Variants in TRABD2B observed in about 807,000 individuals in gnomAD.
The protein encoded by TRABD2B is TraB domain containing 2B, also known as metalloprotease TIKI2.
A neutral mutation model predicts 40.1 loss-of-function variants in TRABD2B; 14 were observed. The observed-to-expected ratio is 0.35, with a 90% CI of 0.23 to 0.55. The LOEUF is 0.55. Among genes scored for constraint, TRABD2B ranks in the 20% least tolerant of loss-of-function variants. The probability of loss-of-function intolerance (pLI) is 0.90; values close to 1 mark genes in which losing one functional copy is unlikely to be tolerated. For synonymous variants in TRABD2B, 263 were observed against 277.0 expected (o/e 0.95, Z 0.50); for missense variants, 541 against 648.6 (o/e 0.83, Z 1.80).
rs1299317636 is a variant in TRABD2B, at chr1:47,780,475, A to C, written c.989-1931T>G. Reference sequence around the variant, plus strand: ...TATCTTGTGCTGGGTAGTGATGAAGAGGCAGGGTCTTTTTCCAGGCACTCA... The same window carrying C: ...TATCTTGTGCTGGGTAGTGATGAAGCGGCAGGGTCTTTTTCCAGGCACTCA... On this transcript the variant is annotated intron_variant, in intron 4 of 6. Coordinates refer to ENST00000606738, the MANE Select transcript of TRABD2B (RefSeq NM_001194986.2). 2.6e-5 allele frequency among the ~76,000 whole-genome samples: 4 copies of C among 152,106 alleles called. No individual in the cohort carries two copies. The East Asian group carries it at 7.7e-4, about 29-fold the overall frequency.
At chr1:47,879,865 G>C (rs1407133426) in intron 2 of TRABD2B, among the ~76,000 whole-genome samples, 7 of 152,364 alleles carry the variant, frequency 4.6e-5, no homozygotes, top group Admixed American at 2.0e-4. Flanking sequence ...GATGTAGACA[G>C]GGAGCTGTGG....
intron 2 of TRABD2B, among the ~76,000 whole-genome samples, chr1:47,899,456 A>T (rs1425063901): frequency 6.6e-6 from 1 of 152,188 alleles, no homozygotes; most frequent in Non-Finnish European, 1.5e-5. Context: ...CTGCAAGGCC[A>T]CTTGGACACT....
chr1:47,929,526 G>A (rs114818792), intron 2 of TRABD2B, among the ~76,000 whole-genome samples: 2,099 of 152,322 alleles, frequency 0.014, 25 homozygotes, highest in Non-Finnish European at 0.021. Flanking sequence ...CTTGCTGGAT[G>A]TGCATAAAAG....
chr1:47,919,988 C>G (rs1380482383), intron 2 of TRABD2B, among the ~76,000 whole-genome samples: 1 of 152,192 alleles, frequency 6.6e-6, no homozygotes, highest in Non-Finnish European at 1.5e-5. Flanking sequence ...GATCTGGGAA[C>G]AGACCTGCCT....
rs150276874 is a variant in TRABD2B, at chr1:47,774,768, C to T, written c.1349+402G>A. ...TGCAGCCTCCCTGCCAGGGTGTCGG[C>T]TACTCACAGCTTCTAGGCACAGGGA... On this transcript the variant is annotated intron_variant, in intron 6 of 6. Transcript: ENST00000606738. Among the ~76,000 whole-genome samples, 306 of 152,328 alleles carry T rather than the reference C, an allele frequency of 2.0e-3. 2 individuals carry two copies. The highest frequency in any genetic ancestry group is 3.4e-3 in the Non-Finnish European group (231 of 68,042).
At chr1:47,789,716 C>A (rs895266484) in intron 4 of TRABD2B, among the ~76,000 whole-genome samples, 2 of 152,096 alleles carry the variant, frequency 1.3e-5, no homozygotes, top group Admixed American at 6.6e-5. Flanking sequence ...AAATTACTTG[C>A]CTGCCAGCCT....
chr1:47,839,960 G>A (rs1034506253), intron 2 of TRABD2B, among the ~76,000 whole-genome samples: 21 of 152,198 alleles, frequency 1.4e-4, no homozygotes, highest in African/African-American at 4.6e-4. Context: ...ACTGTCATCA[G>A]CCTTTCTGTA....
intron 2 of TRABD2B, among the ~76,000 whole-genome samples, chr1:47,840,159 A>G (rs763826298): frequency 4.6e-5 from 7 of 152,096 alleles, no homozygotes; most frequent in Admixed American, 6.5e-5. Context: ...ATCACAGCAG[A>G]TGGTGGGCAC....
At chr1:47,775,846 G>C (rs538099221) in intron 5 of TRABD2B, among the ~76,000 whole-genome samples, 102 of 152,190 alleles carry the variant, frequency 6.7e-4, no homozygotes, top group Non-Finnish European at 1.2e-3. Context: ...GGGGGTGAAG[G>C]GTGCTACTCA....
At chr1:47,984,796 C>T (rs1404341123) in intron 2 of TRABD2B, among the ~76,000 whole-genome samples, 1 of 152,092 alleles carries the variant, frequency 6.6e-6, no homozygotes, top group Non-Finnish European at 1.5e-5. Flanking sequence ...CTCTTCTGTA[C>T]TCCCACAACA....
chr1:47,940,993 A>C (rs192502286), intron 2 of TRABD2B, among the ~76,000 whole-genome samples: 1 of 152,220 alleles, frequency 6.6e-6, no homozygotes, highest in Non-Finnish European at 1.5e-5. Flanking sequence ...CTCTCCACCC[A>C]CACTTACCCA....
Position 47,775,415 on chromosome 1 carries a change from G to C in TRABD2B, c.1104C>G (p.Pro368=). 1.6e-6 allele frequency: 2 copies of C among 1,235,516 alleles called. No individual in the cohort carries two copies. The highest frequency in any genetic ancestry group is 1.5e-5 in the African/African-American group (1 of 64,636). The allele number at this position is 1,235,516 out of a possible 1,614,324, so 76.5% of individuals were successfully genotyped here. The change falls in exon 6 of 7, where the codon CCC becomes CCG. Residue 368 remains proline, a synonymous_variant. Coordinates refer to ENST00000606738, the MANE Select transcript of TRABD2B (RefSeq NM_001194986.2). ...IHSPAPQSPA[P]SPEGTSTSPA... ...GGCTCGTCGAGGTCCCCTCAGGAGA[G>C]GGCGCTGGGCTCTGGGGGGCAGGGC...
At chr1:47,825,809 A>C (rs1375651181) in intron 2 of TRABD2B, among the ~76,000 whole-genome samples, 1 of 152,038 alleles carries the variant, frequency 6.6e-6, no homozygotes, top group Admixed American at 6.5e-5. Context: ...AAGGGAAAGC[A>C]ACTCCCTGAG....
intron 2 of TRABD2B, among the ~76,000 whole-genome samples, chr1:47,990,081 TC>T (rs1184065095): frequency 6.6e-6 from 1 of 152,236 alleles, no homozygotes; most frequent in Non-Finnish European, 1.5e-5. Context: ...GGTTTCTAAC[TC>T]CTCAAGTGAG....
chr1:47,993,373 A>G (rs1187667721), intron 2 of TRABD2B, among the ~76,000 whole-genome samples: 2 of 152,148 alleles, frequency 1.3e-5, no homozygotes, highest in Non-Finnish European at 2.9e-5. Flanking sequence ...CTTCTCTCCT[A>G]CTTCTGAGGT....
At chr1:47,806,767 G>A (rs1644897956) in intron 2 of TRABD2B, among the ~76,000 whole-genome samples, 1 of 152,212 alleles carries the variant, frequency 6.6e-6, no homozygotes. Context: ...GAGTAGTCCT[G>A]TAAACAGTCC....
intron 2 of TRABD2B, among the ~76,000 whole-genome samples, chr1:47,888,609 G>A (rs1301696379): frequency 6.6e-6 from 1 of 152,156 alleles, no homozygotes; most frequent in African/African-American, 2.4e-5. Context: ...GAGTGACAGT[G>A]ACTGTCACCT....
At chr1:47,787,622 A>G (rs926758703) in intron 4 of TRABD2B, among the ~76,000 whole-genome samples, 15 of 152,084 alleles carry the variant, frequency 9.9e-5, no homozygotes, top group African/African-American at 3.1e-4. Flanking sequence ...TCACCTGTCA[A>G]TCTAGCCTCA....
intron 2 of TRABD2B, among the ~76,000 whole-genome samples, chr1:47,875,031 G>A (rs1644203952): frequency 6.6e-6 from 1 of 151,980 alleles, no homozygotes; most frequent in Non-Finnish European, 1.5e-5. Flanking sequence ...GATCCTGGTG[G>A]GGTTTTGGCG....
Sources: allele counts gnomAD v4.1 joint callset (sites outside exome capture counted in the v4.1 genomes callset), GRCh38; gene constraint gnomAD v4.1.1; transcripts MANE v1.5; gene names NCBI Gene and HGNC (gene_info 2026-07-23, HGNC 2026-07-21).